RB1CC1: variants seen among roughly 807,000 people sequenced by gnomAD.
RB1CC1 encodes the protein RB1-inducible coiled-coil protein 1.
RB1CC1 carries 46 observed loss-of-function variants against 177.5 expected under a neutral mutation model. That is an observed-to-expected ratio of 0.26 (90% CI 0.20 to 0.33). The LOEUF (loss-of-function observed/expected upper bound fraction) is 0.33. Ranked by LOEUF, RB1CC1 falls within the 10% of genes least tolerant of loss-of-function variation. The probability of loss-of-function intolerance (pLI) is 1.00; values close to 1 mark genes in which losing one functional copy is unlikely to be tolerated. For missense variants in RB1CC1, 1,703 were observed against 1,816.3 expected, an observed-to-expected ratio of 0.94 and a Z score of 1.13; for synonymous variants, 666 against 613.6, an observed-to-expected ratio of 1.09 and a Z score of -1.26.
intron 15 of RB1CC1, among the ~76,000 whole-genome samples, chr8:52,650,445 A>G (rs1850469836): frequency 6.6e-6 from 1 of 152,248 alleles, no homozygotes; most frequent in Admixed American, 6.5e-5. Context: ...GAACTGTATC[A>G]GTTTCCTAAG....
chr8:52,711,403 A>G (rs1037639054), intron 1 of RB1CC1, among the ~76,000 whole-genome samples: 1 of 152,246 alleles, frequency 6.6e-6, no homozygotes, highest in Non-Finnish European at 1.5e-5. Context: ...ATGTGAGTTA[A>G]GCAAAAACTC....
At chr8:52,628,959 G>T (rs1026468732) in intron 21 of RB1CC1, among the ~76,000 whole-genome samples, 3 of 152,130 alleles carry the variant, frequency 2.0e-5, no homozygotes, top group African/African-American at 7.2e-5. Flanking sequence ...CATGTGGCAG[G>T]CACTGTTTTG....
At chr8:52,673,585 T>C (rs545946755) in intron 7 of RB1CC1, among the ~76,000 whole-genome samples, 5 of 152,346 alleles carry the variant, frequency 3.3e-5, no homozygotes, top group Non-Finnish European at 5.9e-5. Flanking sequence ...ACTCAAGACC[T>C]GTGTAGTTTA....
chr8:52,674,322 T>C (rs1288745520), intron 6 of RB1CC1, 48 bp from the exon 7 acceptor site: 3 of 1,451,538 alleles, frequency 2.1e-6, no homozygotes, highest in South Asian at 2.4e-5. Flanking sequence ...CTGCTCTAAT[T>C]AGGAATTAGC....
At chr8:52,707,759 T>G (rs912318643) in intron 1 of RB1CC1, among the ~76,000 whole-genome samples, 3 of 152,202 alleles carry the variant, frequency 2.0e-5, no homozygotes, top group African/African-American at 7.2e-5. Context: ...CACCTCCGGT[T>G]CAGTACTCAG....
At chr8:52,668,918 A>G (rs1360967234) in intron 7 of RB1CC1, among the ~76,000 whole-genome samples, 1 of 152,202 alleles carries the variant, frequency 6.6e-6, no homozygotes, top group African/African-American at 2.4e-5. Context: ...CCTTCACAGC[A>G]TCCTTTTCTG....
At chr8:52,658,190 A>C in intron 13 of RB1CC1, 66 bp from the exon 14 acceptor site, 1 of 1,432,732 alleles carries the variant, frequency 7.0e-7, no homozygotes, top group Non-Finnish European at 9.5e-7. Flanking sequence ...ACTGCTACCA[A>C]ATATTTTAAT....
At chr8:52,690,057 GA>G (rs1854682678) in intron 1 of RB1CC1, among the ~76,000 whole-genome samples, 1 of 152,224 alleles carries the variant, frequency 6.6e-6, no homozygotes, top group South Asian at 2.1e-4. Flanking sequence ...CAGATTGACA[GA>G]AGACTGGCCA....
intron 5 of RB1CC1, among the ~76,000 whole-genome samples, chr8:52,680,968 T>TTGTGTGTGTG (rs34048284): frequency 7.6e-6 from 1 of 131,064 alleles, no homozygotes; most frequent in Non-Finnish European, 1.6e-5. Flanking sequence ...TTGTGGGGTT[T>TTGTGTGTGTG]TGTGTGTGTG....
intron 15 of RB1CC1, among the ~76,000 whole-genome samples, chr8:52,652,006 A>G (rs1167699563): frequency 6.6e-6 from 1 of 152,218 alleles, no homozygotes; most frequent in Non-Finnish European, 1.5e-5. Flanking sequence ...AAGAATATCG[A>G]CAATCATCTG....
rs753533837 is a variant in RB1CC1, at chr8:52,636,086, T to C, written c.4338-17A>G. 84 of 1,597,568 alleles carry C rather than the reference T, an allele frequency of 5.3e-5. 2 individuals are homozygous for C. In the South Asian group the frequency reaches 7.4e-4, roughly 14 times the overall value. On this transcript the variant is annotated splice_polypyrimidine_tract_variant and intron_variant, in intron 18 of 23. Coordinates refer to ENST00000025008, the MANE Select transcript of RB1CC1 (RefSeq NM_014781.5). ...ATATTTTCTCTAAAAGTGAGAATAA[T>C]TGAGTTTCAGTTTGAAATTCTAAAC...
At chr8:52,704,320 A>C (rs1856367094) in intron 1 of RB1CC1, among the ~76,000 whole-genome samples, 1 of 152,098 alleles carries the variant, frequency 6.6e-6, no homozygotes, top group East Asian at 1.9e-4. Context: ...TAAGAAACTT[A>C]TTGTGTGTTA....
Position 52,667,482 on chromosome 8 carries a change from G to A in RB1CC1, c.1173+539C>T, listed in dbSNP as rs145069751. Among the ~76,000 whole-genome samples the A allele has an allele frequency of 4.3e-4, 66 of 152,270 alleles. 1 individual carries two copies. The highest frequency in any genetic ancestry group is 1.5e-3 in the African/African-American group (64 of 41,560). ...GCTAGCCATGGTGGGTGAAGGACAG[G>A]CAATCATGAATTTAAGAGAGGCACT... is the stretch of plus-strand genomic sequence containing the variant. On this transcript the variant is annotated intron_variant, in intron 8 of 23. Coordinates refer to ENST00000025008, the MANE Select transcript of RB1CC1 (RefSeq NM_014781.5).
At chr8:52,696,541 C>G (rs112623055) in intron 1 of RB1CC1, among the ~76,000 whole-genome samples, 26 of 152,166 alleles carry the variant, frequency 1.7e-4, no homozygotes, top group East Asian at 7.7e-4. Context: ...GACAGTCTGA[C>G]CATCAAAAGA....
chr8:52,676,218 C>A (rs1216798398), intron 6 of RB1CC1, 151 bp downstream of exon 6: 1 of 648,684 alleles, frequency 1.5e-6, no homozygotes, highest in Non-Finnish European at 2.6e-6. Context: ...AAAACTATAA[C>A]CTACAAATCA....
Position 52,696,098 on chromosome 8 carries a change from G to A in RB1CC1, c.-166-9131C>T, listed in dbSNP as rs1484451466. ...TTGCTCTTGTCGCCCAGACTGGAGT[G>A]CAATGGCACAATCTCGGCTCACTGC... On this transcript the variant is annotated intron_variant, in intron 1 of 23. Transcript: ENST00000025008. 3.3e-5 allele frequency among the ~76,000 whole-genome samples: 5 copies of A among 152,180 alleles called. No homozygotes were observed. The East Asian group carries it at 9.6e-4, about 29-fold the overall frequency.
At chr8:52,629,241 T>C (rs1848594809) in intron 21 of RB1CC1, among the ~76,000 whole-genome samples, 1 of 152,114 alleles carries the variant, frequency 6.6e-6, no homozygotes. Context: ...AGAAATAAAA[T>C]ACAAGAAGTT....
chr8:52,713,890 G>T (rs1040525305), intron 1 of RB1CC1, among the ~76,000 whole-genome samples, 185 bp downstream of exon 1: 11 of 152,272 alleles, frequency 7.2e-5, no homozygotes, highest in African/African-American at 2.6e-4. Context: ...CCGGGAAAGC[G>T]GCCAGTGGGC....
chr8:52,676,312 C>A (rs1032768752), intron 6 of RB1CC1, 57 bp downstream of exon 6: 1 of 1,480,904 alleles, frequency 6.8e-7, no homozygotes, highest in Non-Finnish European at 9.3e-7. Flanking sequence ...ATTAAACCTA[C>A]TGATAAATTT....
Sources: gnomAD v4.1 joint callset for allele counts (sites outside exome capture counted in the v4.1 genomes callset) on GRCh38, gnomAD v4.1.1 for gene constraint, MANE v1.5 for transcripts, NCBI Gene and HGNC (gene_info 2026-07-23, HGNC 2026-07-21) for gene names.